THRB: variants seen among roughly 807,000 people sequenced by gnomAD.
THRB encodes nuclear receptor subfamily 1 group A member 2.
Under a neutral mutation model 47.8 loss-of-function variants are expected in THRB, and 12 were observed. That is an observed-to-expected ratio of 0.25 (90% CI 0.16 to 0.41). THRB has a LOEUF of 0.41. Ranked by LOEUF, THRB falls within the 10% of genes least tolerant of loss-of-function variation. THRB has a pLI of 1.00. For synonymous variants in THRB, 218 were observed against 212.2 expected (o/e 1.03, Z -0.24); for missense variants, 348 against 589.2 (o/e 0.59, Z 4.24).
At chr3:24,206,697 A>G (rs1323141478) in intron 4 of THRB, among the ~76,000 whole-genome samples, 1 of 152,222 alleles carries the variant, frequency 6.6e-6, no homozygotes, top group African/African-American at 2.4e-5. Flanking sequence ...CCTTCAAAAA[A>G]TCAATGAATC....
At chr3:24,260,914 G>T (rs56293532) in intron 3 of THRB, among the ~76,000 whole-genome samples, 1 of 152,182 alleles carries the variant, frequency 6.6e-6, no homozygotes, top group South Asian at 2.1e-4. Context: ...TCACCCAGAC[G>T]GTTTGTTAAA....
At chr3:24,315,293 A>T (rs2149242968) in intron 2 of THRB, among the ~76,000 whole-genome samples, 1 of 152,336 alleles carries the variant, frequency 6.6e-6, no homozygotes, top group Middle Eastern at 3.4e-3. Context: ...CGACATCGCT[A>T]CATCCTCAGC....
chr3:24,382,028 TA>T (rs1308046122), intron 1 of THRB, among the ~76,000 whole-genome samples: 16 of 151,020 alleles, frequency 1.1e-4, no homozygotes, highest in South Asian at 6.3e-4. Context: ...CAAATACTGA[TA>T]AAAAAATACC....
chr3:24,136,258 GGC>G (rs1443329479), intron 8 of THRB, among the ~76,000 whole-genome samples: 1 of 152,264 alleles, frequency 6.6e-6, no homozygotes, highest in Middle Eastern at 3.4e-3. Flanking sequence ...TTAAGCCTCT[GGC>G]TATTTAATGG....
At position 24,480,179 on chromosome 3, in the gene THRB, T is replaced by G. The variant is rs144494844; in HGVS notation, c.-261+14473A>C. Among the ~76,000 whole-genome samples the G allele has an allele frequency of 4.3e-3, 659 of 152,358 alleles. 6 individuals carry two copies. Among genetic ancestry groups the G allele is most frequent in the African/African-American group, 0.015 (634 of 41,580 alleles). On this transcript the variant is annotated intron_variant, in intron 1 of 10. Transcript: ENST00000646209. Reference sequence around the variant, plus strand: ...CCTAAAAATCACTTGCACTTGAATTTTCATCTCAGAGTTTGCTTCTGGGGA... The same window carrying G: ...CCTAAAAATCACTTGCACTTGAATTGTCATCTCAGAGTTTGCTTCTGGGGA...
intron 4 of THRB, among the ~76,000 whole-genome samples, chr3:24,224,128 G>T (rs78343964): frequency 6.6e-6 from 1 of 152,068 alleles, no homozygotes; most frequent in African/African-American, 2.4e-5. Context: ...TTTTAAAGCT[G>T]TTCAGTCCCT....
At position 24,345,873 on chromosome 3, in the gene THRB, CATA is replaced by C. The variant is rs1335708365; in HGVS notation, c.-260-8505_-260-8503del. 3.3e-5 allele frequency among the ~76,000 whole-genome samples: 5 copies of C among 152,118 alleles called. No individual in the cohort carries two copies. The South Asian group carries it at 6.2e-4, about 19-fold the overall frequency. ...ATGCTTTAACAGCGTATACATATGTCATAATTTATCAAATTGTATATTTTAAAC... is the reference window on the plus strand; with the variant it reads ...ATGCTTTAACAGCGTATACATATGTCATTTATCAAATTGTATATTTTAAAC... On this transcript the variant is annotated intron_variant, in intron 1 of 10. Coordinates refer to ENST00000646209, the MANE Select transcript of THRB (RefSeq NM_001354712.2).
intron 4 of THRB, among the ~76,000 whole-genome samples, chr3:24,206,672 TAGAG>T (rs1282720249): frequency 6.6e-6 from 1 of 152,016 alleles, no homozygotes; most frequent in African/African-American, 2.4e-5. Context: ...CTGAAGGAGA[TAGAG>T]ATACAAAAAC....
At chr3:24,237,208 A>T (rs1231259537) in intron 3 of THRB, among the ~76,000 whole-genome samples, 1 of 152,208 alleles carries the variant, frequency 6.6e-6, no homozygotes, top group African/African-American at 2.4e-5. Flanking sequence ...GAATTTCTCC[A>T]CTGGGTATGG....
chr3:24,355,341 T>C (rs2063607631), intron 1 of THRB, among the ~76,000 whole-genome samples: 1 of 152,102 alleles, frequency 6.6e-6, no homozygotes, highest in African/African-American at 2.4e-5. Context: ...AATGTTTCTG[T>C]ATAATAAAGG....
At chr3:24,124,270 A>G (rs1415870841) in intron 10 of THRB, among the ~76,000 whole-genome samples, 4 of 152,200 alleles carry the variant, frequency 2.6e-5, no homozygotes, top group African/African-American at 7.2e-5. Context: ...TTTAGCACAA[A>G]TGGCAATTCG....
chr3:24,492,644 T>C (rs541047252), intron 1 of THRB, among the ~76,000 whole-genome samples: 2 of 152,358 alleles, frequency 1.3e-5, no homozygotes, highest in Admixed American at 1.3e-4. Context: ...CACAGCTTTC[T>C]CTGCTTTTAA....
At chr3:24,437,155 G>GTA (rs1043300777) in intron 1 of THRB, among the ~76,000 whole-genome samples, 1 of 147,760 alleles carries the variant, frequency 6.8e-6, no homozygotes, top group Non-Finnish European at 1.5e-5. Context: ...ATAATGAAAT[G>GTA]TATATATATA....
chr3:24,192,772 A>C (rs1017328171), intron 4 of THRB, among the ~76,000 whole-genome samples: 1 of 152,178 alleles, frequency 6.6e-6, no homozygotes, highest in African/African-American at 2.4e-5. Context: ...TCATTTTCCA[A>C]AGAAAAGCAG....
chr3:24,357,378 A>AAAAAAAAAAAAAAAAAAAAAAAAC lies in THRB; in HGVS notation c.-260-20008_-260-20007insGTTTTTTTTTTTTTTTTTTTTTTT, dbSNP rs1560011027. 1.1e-4 allele frequency among the ~76,000 whole-genome samples: 16 copies of AAAAAAAAAAAAAAAAAAAAAAAAC among 141,268 alleles called. 1 individual carries two copies. Among genetic ancestry groups the AAAAAAAAAAAAAAAAAAAAAAAAC allele is most frequent in the African/African-American group, 4.7e-4 (16 of 33,702 alleles). 92.7% of individuals were successfully genotyped at this position (141,268 alleles called of 152,430 possible). A position where few individuals can be genotyped will look rare whatever the true frequency, so the allele number is the denominator to read the frequency against. On this transcript the variant is annotated intron_variant, in intron 1 of 10. Coordinates refer to ENST00000646209, the MANE Select transcript of THRB (RefSeq NM_001354712.2). ...AAAAAAAAAAAAAAAAAAAAAACAAAAAACAAACAAACAAAAAAACACCAA... is the reference window on the plus strand; with the variant it reads ...AAAAAAAAAAAAAAAAAAAAAACAAAAAAAAAAAAAAAAAAAAAAAAAACAAACAAACAAACAAAAAAACACCAA...
intron 3 of THRB, among the ~76,000 whole-genome samples, chr3:24,237,025 A>G (rs1438319006): frequency 6.6e-6 from 1 of 152,242 alleles, no homozygotes; most frequent in African/African-American, 2.4e-5. Context: ...TAGTATCAAA[A>G]AATCAGTAAG....
chr3:24,165,253 C>T (rs769590594), intron 5 of THRB: 65 of 764,856 alleles, frequency 8.5e-5, no homozygotes, highest in Middle Eastern at 6.7e-4. Flanking sequence ...CGCTGTAACC[C>T]GGACTATCTT....
chr3:24,443,193 T>A (rs973107981), intron 1 of THRB, among the ~76,000 whole-genome samples: 5 of 152,010 alleles, frequency 3.3e-5, no homozygotes, highest in African/African-American at 1.2e-4. Flanking sequence ...AAACAAACGA[T>A]ACTGACAGAA....
intron 10 of THRB, 132 bp from the exon 11 acceptor site, chr3:24,123,257 G>A (rs2032037770): frequency 7.5e-7 from 1 of 1,326,520 alleles, no homozygotes; most frequent in African/African-American, 1.4e-5. Context: ...CATGGATGCA[G>A]CGTGAACTCT....
Sources: allele counts gnomAD v4.1 joint callset (sites outside exome capture counted in the v4.1 genomes callset), GRCh38; gene constraint gnomAD v4.1.1; transcripts MANE v1.5; gene names NCBI Gene and HGNC (gene_info 2026-07-23, HGNC 2026-07-21).